NFAT5: variants seen among roughly 807,000 people sequenced by gnomAD.
NFAT5 encodes nuclear factor of activated T-cells 5.
NFAT5 carries 31 observed loss-of-function variants against 166.5 expected under a neutral mutation model. The observed-to-expected ratio is 0.19, with a 90% confidence interval of 0.14 to 0.25. NFAT5 has a LOEUF of 0.25. Among genes scored for constraint, NFAT5 ranks in the 10% least tolerant of loss-of-function variants. The probability of loss-of-function intolerance (pLI) is 1.00; values close to 1 mark genes in which losing one functional copy is unlikely to be tolerated. For synonymous variants in NFAT5, 612 were observed against 639.7 expected, an observed-to-expected ratio of 0.96 and a Z score of 0.65; for missense variants, 1,449 against 1,821.8, an observed-to-expected ratio of 0.80 and a Z score of 3.72.
At position 69,669,991 on chromosome 16, in the gene NFAT5, G is replaced by A; in HGVS notation, c.1384G>A (p.Val462Met). Residue 462 changes from valine (V) to methionine (M), a missense_variant, in exon 8 of 15, where the codon GTG becomes ATG. Val to Met is a conservative substitution (Grantham distance 21, BLOSUM62 1). Around this residue, in one of 7 missense-constraint regions of NFAT5, gnomAD observed 245 missense variants for 366.6 expected, o/e 0.67. Coordinates refer to ENST00000349945, the MANE Select transcript of NFAT5 (RefSeq NM_138713.4). ...TATCTCCACAGCTCAGCCAGCAGGAGTGCCAGAAATCTTAAAGAAAAGCTT... is the reference window on the plus strand; with the variant it reads ...TATCTCCACAGCTCAGCCAGCAGGAATGCCAGAAATCTTAAAGAAAAGCTT... ...SPILCTQPAG[V>M]PEILKKSLHS... The A allele has an allele frequency of 6.2e-7, 1 of 1,603,718 alleles. No individual in the cohort carries two copies. The highest frequency in any genetic ancestry group is 1.7e-4 in the Middle Eastern group (1 of 6,016).
chr16:69,623,970 C>T (rs1237571682), intron 2 of NFAT5, among the ~76,000 whole-genome samples: 4 of 151,992 alleles, frequency 2.6e-5, no homozygotes, highest in Admixed American at 6.5e-5. Context: ...AGGCTAGTCT[C>T]GAACTCTTGA....
chr16:69,629,768 ATTTTTTTTTT>A (rs761809860), intron 3 of NFAT5, among the ~76,000 whole-genome samples: 1 of 111,744 alleles, frequency 8.9e-6, no homozygotes, highest in East Asian at 2.6e-4. Context: ...CACTGGGCTA[ATTTTTTTTTT>A]TTTTTTTTTT....
rs2016044664 is a variant in NFAT5, at chr16:69,566,486, C to G, written c.73+112C>G. ...CCCGCCGGGGGCGGCTGAGCCGCGA[C>G]CCCCATGGCTTCTTTGGCCGGAGCG... is the stretch of plus-strand genomic sequence containing the variant. On this transcript the variant is annotated intron_variant, in intron 1 of 14. Transcript: ENST00000349945. This position sits in a 1 kb window ranked among gnomAD's most constrained non-coding sequence, Gnocchi z 5.7. 2 of 900,542 alleles carry G rather than the reference C, an allele frequency of 2.2e-6. No homozygotes were observed. The highest frequency in any genetic ancestry group is 3.5e-6 in the Non-Finnish European group (2 of 566,864). The allele number at this position is 900,542 out of a possible 1,614,324, so 55.8% of individuals were successfully genotyped here. A position where few individuals can be genotyped will look rare whatever the true frequency, so the allele number is the denominator to read the frequency against.
intron 2 of NFAT5, among the ~76,000 whole-genome samples, chr16:69,615,578 A>G (rs1463533965): frequency 1.3e-5 from 2 of 152,154 alleles, no homozygotes. Context: ...ACAGGTATAT[A>G]TACACATTTA....
chr16:69,623,807 T>G (rs2034313252), intron 2 of NFAT5, among the ~76,000 whole-genome samples: 1 of 136,866 alleles, frequency 7.3e-6, no homozygotes, highest in African/African-American at 2.8e-5. Context: ...ACACCTGGCC[T>G]CAAGTCTTTT....
Position 69,566,301 on chromosome 16 carries a change from G to C in NFAT5, c.-1G>C. ...CTCGGGCCGGGCTGGGTCGAGCTGC[G>C]ATGCCCTCGGACTTCATCTCATTGC... On this transcript the variant is annotated 5_prime_UTR_variant, in exon 1 of 15. Coordinates refer to ENST00000349945, the MANE Select transcript of NFAT5 (RefSeq NM_138713.4). This position sits in a 1 kb window ranked among gnomAD's most constrained non-coding sequence, Gnocchi z 5.7. 1 of 1,603,782 alleles carries C rather than the reference G, an allele frequency of 6.2e-7. No individual in the cohort carries two copies. The highest frequency in any genetic ancestry group is 8.5e-7 in the Non-Finnish European group (1 of 1,176,632).
At chr16:69,621,786 G>C (rs771028395) in intron 2 of NFAT5, among the ~76,000 whole-genome samples, 5 of 151,878 alleles carry the variant, frequency 3.3e-5, no homozygotes, top group Non-Finnish European at 7.4e-5. Flanking sequence ...GGCAACAGAG[G>C]GAGACTCTGT....
chr16:69,624,632 A>ATTT (rs2151577657), intron 2 of NFAT5, among the ~76,000 whole-genome samples: 1 of 152,214 alleles, frequency 6.6e-6, no homozygotes, highest in African/African-American at 2.4e-5. Context: ...ATCCACATCA[A>ATTT]AGTTAGGATA....
intron 2 of NFAT5, among the ~76,000 whole-genome samples, chr16:69,592,151 C>G (rs934977352): frequency 1.4e-5 from 2 of 143,288 alleles, no homozygotes; most frequent in African/African-American, 5.2e-5. Flanking sequence ...GTGATCTCGG[C>G]TCACTGCAAC....
intron 4 of NFAT5, among the ~76,000 whole-genome samples, chr16:69,650,462 G>A (rs1349469686): frequency 1.3e-5 from 2 of 152,012 alleles, no homozygotes; most frequent in Non-Finnish European, 2.9e-5. Flanking sequence ...TTTAGAAATT[G>A]CTTAATTACA....
At chr16:69,601,951 G>T (rs944018617) in intron 2 of NFAT5, among the ~76,000 whole-genome samples, 2 of 152,104 alleles carry the variant, frequency 1.3e-5, no homozygotes, top group African/African-American at 4.8e-5. Context: ...CATATTATTA[G>T]ATAAGACCAC....
chr16:69,579,526 T>C (rs1376789179), intron 2 of NFAT5, among the ~76,000 whole-genome samples: 1 of 152,184 alleles, frequency 6.6e-6, no homozygotes, highest in Non-Finnish European at 1.5e-5. Context: ...AAATTACCAC[T>C]GTATTACAGT....
intron 10 of NFAT5, 117 bp downstream of exon 10, chr16:69,677,452 T>C (rs919046193): frequency 2.6e-6 from 2 of 774,762 alleles, no homozygotes; most frequent in Admixed American, 3.4e-5. Flanking sequence ...TGAATTGATG[T>C]TAGTTTCTTT....
chr16:69,681,306 G>T (rs2037049722), intron 10 of NFAT5, among the ~76,000 whole-genome samples: 1 of 152,132 alleles, frequency 6.6e-6, no homozygotes, highest in African/African-American at 2.4e-5. Flanking sequence ...TAGAAGTGGT[G>T]ACTGTTAATA....
intron 2 of NFAT5, among the ~76,000 whole-genome samples, chr16:69,613,504 G>A (rs2033799090): frequency 6.6e-6 from 1 of 152,128 alleles, no homozygotes; most frequent in Non-Finnish European, 1.5e-5. Flanking sequence ...TCATGTTACT[G>A]CTTGTAACTT....
In NFAT5 at chr16:69,699,875, TTTCC is replaced by T. The variant is rs2037868573; in HGVS notation, c.*3527_*3530del. On this transcript the variant is annotated 3_prime_UTR_variant, in exon 15 of 15. Coordinates refer to ENST00000349945, the MANE Select transcript of NFAT5 (RefSeq NM_138713.4). ...GTATGTGTGTGTGTGTGTGTGTGTGTTTCCTTATTGTCATTCCATTATATATCCA... is the reference window on the plus strand; with the variant it reads ...GTATGTGTGTGTGTGTGTGTGTGTGTTTATTGTCATTCCATTATATATCCA... 6.6e-6 allele frequency: 1 copy of T among 151,936 alleles called. No individual in the cohort carries two copies. The highest frequency in any genetic ancestry group is 6.6e-5 in the Admixed American group (1 of 15,228). 9.4% of individuals were successfully genotyped at this position (151,936 alleles called of 1,614,324 possible).
At chr16:69,595,751 T>C (rs929982696) in intron 2 of NFAT5, among the ~76,000 whole-genome samples, 8 of 152,232 alleles carry the variant, frequency 5.3e-5, no homozygotes, top group African/African-American at 1.7e-4. Context: ...AACTTCACTT[T>C]GGCATATCCA....
intron 3 of NFAT5, among the ~76,000 whole-genome samples, chr16:69,629,410 A>G (rs1399526378): frequency 6.6e-6 from 1 of 152,116 alleles, no homozygotes; most frequent in Non-Finnish European, 1.5e-5. Context: ...AATCCAGAAT[A>G]TTGGGTAAAA....
intron 11 of NFAT5, 82 bp downstream of exon 11, chr16:69,685,052 C>G (rs2037231682): frequency 1.2e-6 from 1 of 832,554 alleles, no homozygotes; most frequent in Middle Eastern, 2.6e-4. Context: ...TTTGTTTTCT[C>G]TTAGGTACTT....
Sources: allele counts gnomAD v4.1 joint callset (sites outside exome capture counted in the v4.1 genomes callset), GRCh38; gene constraint gnomAD v4.1.1; regional missense constraint gnomAD v4.1.1; non-coding constraint Gnocchi (gnomAD v3.1); transcripts MANE v1.5; gene names NCBI Gene and HGNC (gene_info 2026-07-23, HGNC 2026-07-21).